DMXL2: variants seen among roughly 807,000 people sequenced by gnomAD.
DMXL2 encodes the protein dmX-like protein 2.
A neutral mutation model predicts 331.1 loss-of-function variants in DMXL2; 103 were observed. The ratio of observed to expected loss-of-function variants is 0.31; its 90% CI spans 0.27 to 0.37. The LOEUF (loss-of-function observed/expected upper bound fraction) is 0.37, where lower values mean the gene tolerates loss of function less well. DMXL2 is among the 10% of genes least tolerant of loss of function. The pLI, the probability that DMXL2 is intolerant of heterozygous loss-of-function variation, is 1.00. For synonymous variants in DMXL2, 1,281 were observed against 1,252.1 expected (o/e 1.02, Z -0.49); for missense variants, 3,171 against 3,642.9 (o/e 0.87, Z 3.33).
chr15:51,502,786 C>T lies in DMXL2; in HGVS notation c.2992+20G>A. On this transcript the variant is annotated intron_variant, in intron 17 of 43. Coordinates refer to ENST00000560891, the MANE Select transcript of DMXL2 (RefSeq NM_001378457.1). ...TTTATCACTCTGAGCTACCACTGCC[C>T]AGTCTTAAAGTGACCTTACCTGCTG... is the stretch of plus-strand genomic sequence containing the variant. 2 of 1,555,758 alleles carry T rather than the reference C, an allele frequency of 1.3e-6. No individual in the cohort carries two copies. Among genetic ancestry groups the T allele is most frequent in the Non-Finnish European group, 1.8e-6 (2 of 1,127,086 alleles).
intron 34 of DMXL2, 132 bp from the exon 35 acceptor site, chr15:51,458,927 AG>A (rs2039890081): frequency 2.6e-6 from 2 of 781,476 alleles, no homozygotes; most frequent in Non-Finnish European, 4.1e-6. Flanking sequence ...GCAAGAAAAA[AG>A]GGTAAGAGTA....
intron 1 of DMXL2, among the ~76,000 whole-genome samples, chr15:51,618,800 G>C (rs1161810764): frequency 4.6e-5 from 7 of 151,994 alleles, no homozygotes; most frequent in Non-Finnish European, 1.0e-4. Context: ...ACCTCTTCTT[G>C]TTTTCCCAAC....
chr15:51,578,918 AAC>A (rs549169391), intron 1 of DMXL2, among the ~76,000 whole-genome samples: 169 of 152,310 alleles, frequency 1.1e-3, no homozygotes, highest in African/African-American at 3.9e-3. Context: ...TAGCCTGGGA[AAC>A]ACAGTGAGAC....
chr15:51,558,239 A>G (rs2049726986), intron 6 of DMXL2, among the ~76,000 whole-genome samples: 1 of 152,192 alleles, frequency 6.6e-6, no homozygotes, highest in Non-Finnish European at 1.5e-5. Context: ...AATACACTTA[A>G]TAAAGGTTAT....
At chr15:51,509,036 T>A (rs1387351216) in intron 15 of DMXL2, among the ~76,000 whole-genome samples, 1 of 152,146 alleles carries the variant, frequency 6.6e-6, no homozygotes, top group Non-Finnish European at 1.5e-5. Context: ...ATCCAAATTT[T>A]TTTTTCTGGT....
chr15:51,542,194 T>TTA (rs2048634508), intron 9 of DMXL2, 139 bp downstream of exon 9: 1 of 811,368 alleles, frequency 1.2e-6, no homozygotes, highest in South Asian at 2.0e-5. Context: ...AAATGGTACT[T>TTA]TATATTATAT....
At chr15:51,592,648 T>C (rs2052470794) in intron 1 of DMXL2, among the ~76,000 whole-genome samples, 1 of 152,032 alleles carries the variant, frequency 6.6e-6, no homozygotes, top group Admixed American at 6.6e-5. Flanking sequence ...AAGGAAAAAA[T>C]GTTAAGCGCA....
chr15:51,464,136 C>T (rs2040364918), intron 32 of DMXL2, among the ~76,000 whole-genome samples: 2 of 152,212 alleles, frequency 1.3e-5, no homozygotes, highest in Admixed American at 6.5e-5. Flanking sequence ...TACGCAGTGG[C>T]ACATGCCTGT....
At chr15:51,621,659 C>A (rs939982502) in intron 1 of DMXL2, among the ~76,000 whole-genome samples, 1 of 152,160 alleles carries the variant, frequency 6.6e-6, no homozygotes, top group Non-Finnish European at 1.5e-5. Flanking sequence ...CTTCATCTAG[C>A]TTTTAAGGAG....
At chr15:51,469,023 A>G (rs1367227139) in intron 29 of DMXL2, among the ~76,000 whole-genome samples, 1 of 152,098 alleles carries the variant, frequency 6.6e-6, no homozygotes, top group African/African-American at 2.4e-5. Flanking sequence ...TATAGCAACC[A>G]CTTGCAAGGT....
chr15:51,510,568 C>T (rs2046694074), intron 15 of DMXL2, among the ~76,000 whole-genome samples: 1 of 152,148 alleles, frequency 6.6e-6, no homozygotes, highest in Non-Finnish European at 1.5e-5. Context: ...AAAAACATTC[C>T]ATGCTCATGG....
At chr15:51,501,294 C>T (rs2043583432) in intron 17 of DMXL2, among the ~76,000 whole-genome samples, 1 of 152,150 alleles carries the variant, frequency 6.6e-6, no homozygotes, top group Non-Finnish European at 1.5e-5. Context: ...TTTGGTTTCC[C>T]AAAAACACTA....
rs60326784 is a variant in DMXL2 at position 51,541,569 on chromosome 15, A to C, written c.1105+764T>G. On this transcript the variant is annotated intron_variant, in intron 9 of 43. Coordinates refer to ENST00000560891, the MANE Select transcript of DMXL2 (RefSeq NM_001378457.1). Reference sequence around the variant, plus strand: ...TTACCACTGCAGATCACCCTTTTAGAATTCTATTTACTAAATACTGTATTT... The same window carrying C: ...TTACCACTGCAGATCACCCTTTTAGCATTCTATTTACTAAATACTGTATTT... Among the ~76,000 whole-genome samples the C allele has an allele frequency of 9.2e-3, 1,397 of 152,234 alleles. 23 individuals are homozygous for C. The highest frequency in any genetic ancestry group is 0.032 in the African/African-American group (1,317 of 41,548).
At chr15:51,601,913 T>C (rs2053252550) in intron 1 of DMXL2, among the ~76,000 whole-genome samples, 1 of 152,218 alleles carries the variant, frequency 6.6e-6, no homozygotes. Flanking sequence ...ATAAAGTTTA[T>C]TAATTTTGCT....
intron 16 of DMXL2, 37 bp from the exon 17 acceptor site, chr15:51,503,070 A>G (rs2043795562): frequency 2.3e-6 from 3 of 1,303,374 alleles, no homozygotes; most frequent in African/African-American, 1.5e-5. Context: ...AAATGTATGT[A>G]TATCATTACT....
chr15:51,478,206 A>C, intron 26 of DMXL2, 65 bp downstream of exon 26: 2 of 1,362,064 alleles, frequency 1.5e-6, no homozygotes, highest in South Asian at 1.3e-5. Context: ...TAGAAACTTA[A>C]TATAACTCTG....
At chr15:51,563,767 TA>T (rs2050108683) in intron 5 of DMXL2, among the ~76,000 whole-genome samples, 1 of 152,076 alleles carries the variant, frequency 6.6e-6, no homozygotes. Context: ...CTTCGTCACA[TA>T]ATCTATATGA....
rs1362224758 is a variant in DMXL2 at position 51,459,629 on chromosome 15, T to G, written c.7958A>C (p.Gln2653Pro). The change falls in exon 34 of 44, where the codon CAA (glutamine) becomes CCA (proline). Residue 2653 changes from glutamine (Q) to proline (P), a missense_variant. Around this residue, in one of 7 missense-constraint regions of DMXL2, gnomAD observed 766 missense variants for 940.5 expected, o/e 0.81. Transcript: ENST00000560891. ...SIEEHVEQVN[Q>P]NCIAEDCHIK... ...GTGGCAATCTTCTGCTATGCAGTTT[T>G]GGTTGACCTGCTCCACATGTTCTTC... 2 of 1,289,858 alleles carry G rather than the reference T, an allele frequency of 1.6e-6. No homozygotes were observed. Among genetic ancestry groups the G allele is most frequent in the Middle Eastern group, 2.1e-4 (1 of 4,696 alleles). 79.9% of individuals were successfully genotyped at this position (1,289,858 alleles called of 1,614,324 possible).
intron 1 of DMXL2, among the ~76,000 whole-genome samples, chr15:51,601,182 T>G (rs2141315672): frequency 6.6e-6 from 1 of 150,966 alleles, no homozygotes; most frequent in South Asian, 2.1e-4. Flanking sequence ...TCCCAGCTAC[T>G]CGGGAGGCTG....
Sources: allele counts gnomAD v4.1 joint callset (sites outside exome capture counted in the v4.1 genomes callset), GRCh38; gene constraint gnomAD v4.1.1; regional missense constraint gnomAD v4.1.1; transcripts MANE v1.5; gene names NCBI Gene and HGNC (gene_info 2026-07-23, HGNC 2026-07-21).